TRAPPC9: variants seen among roughly 807,000 people sequenced by gnomAD.
TRAPPC9 encodes trafficking protein particle complex subunit 9.
TRAPPC9 carries 83 observed loss-of-function variants against 124.0 expected under a neutral mutation model. That is an observed-to-expected ratio of 0.67 (90% confidence interval 0.56 to 0.80). TRAPPC9 has a LOEUF of 0.80. TRAPPC9 is among the 30% of genes least tolerant of loss of function. The pLI is 0.00. For synonymous variants in TRAPPC9, 638 were observed against 617.5 expected, an observed-to-expected ratio of 1.03 and a Z score of -0.49; for missense variants, 1,302 against 1,508.3, an observed-to-expected ratio of 0.86 and a Z score of 2.27.
At chr8:140,113,223 AG>A (rs912113948) in intron 17 of TRAPPC9, among the ~76,000 whole-genome samples, 1 of 152,218 alleles carries the variant, frequency 6.6e-6, no homozygotes, top group African/African-American at 2.4e-5. Context: ...CCCTGGACAG[AG>A]GGTGCTTCAT....
intron 8 of TRAPPC9, among the ~76,000 whole-genome samples, chr8:140,366,051 G>A (rs890249743): frequency 1.3e-5 from 2 of 152,082 alleles, no homozygotes; most frequent in Non-Finnish European, 2.9e-5. Context: ...CAGTAGTTTG[G>A]TATGAATAAT....
chr8:139,864,855 C>T (rs1025108609), intron 21 of TRAPPC9, among the ~76,000 whole-genome samples: 6 of 152,320 alleles, frequency 3.9e-5, no homozygotes, highest in East Asian at 3.9e-4. Context: ...TCACCTGCAC[C>T]GATGTGGACA....
chr8:139,972,230 C>T (rs1018305158), intron 19 of TRAPPC9, among the ~76,000 whole-genome samples: 6 of 152,270 alleles, frequency 3.9e-5, no homozygotes, highest in South Asian at 2.1e-4. Flanking sequence ...TTGAGCAAAA[C>T]GCATTTAAGG....
intron 21 of TRAPPC9, among the ~76,000 whole-genome samples, chr8:139,748,898 G>A (rs1244127541): frequency 6.6e-6 from 1 of 152,154 alleles, no homozygotes; most frequent in African/African-American, 2.4e-5. Flanking sequence ...TCTCCACCAG[G>A]ATTTCTAGAC....
At chr8:139,895,654 C>T (rs567874528) in intron 20 of TRAPPC9, among the ~76,000 whole-genome samples, 46 of 152,284 alleles carry the variant, frequency 3.0e-4, no homozygotes, top group African/African-American at 7.9e-4. Context: ...GGGCCTGGGA[C>T]GCTGGGACAC....
intron 20 of TRAPPC9, among the ~76,000 whole-genome samples, chr8:139,898,357 T>C (rs184599134): frequency 1.5e-4 from 23 of 152,340 alleles, no homozygotes; most frequent in Non-Finnish European, 3.2e-4. Context: ...AGGTTTACGG[T>C]CTCTGAGTCC....
At chr8:140,363,875 G>A (rs2068025993) in intron 8 of TRAPPC9, among the ~76,000 whole-genome samples, 3 of 152,168 alleles carry the variant, frequency 2.0e-5, no homozygotes, top group African/African-American at 4.8e-5. Context: ...TGGGATTACA[G>A]GCGTCAGCCA....
intron 20 of TRAPPC9, among the ~76,000 whole-genome samples, chr8:139,895,242 G>T (rs927054067): frequency 1.3e-5 from 2 of 152,234 alleles, no homozygotes; most frequent in African/African-American, 4.8e-5. Flanking sequence ...GGGGCACACA[G>T]GCATGCTCCC....
At chr8:140,242,136 C>CAGAGAGAG (rs36214777) in intron 16 of TRAPPC9, among the ~76,000 whole-genome samples, 1 of 146,170 alleles carries the variant, frequency 6.8e-6, no homozygotes, top group Non-Finnish European at 1.5e-5. Context: ...AAGAGGCAGA[C>CAGAGAGAG]AGAGAGAGAG....
At chr8:140,240,491 C>A (rs1216213248) in intron 16 of TRAPPC9, among the ~76,000 whole-genome samples, 1 of 152,198 alleles carries the variant, frequency 6.6e-6, no homozygotes, top group African/African-American at 2.4e-5. Flanking sequence ...GACCTTCCTG[C>A]CTCAACTTCG....
rs1200715857 is a variant in TRAPPC9, at chr8:139,735,656, CTGTTTTTTTTTTTTGTTTTGTTT to C, written c.3056-3477_3056-3455del. Among the ~76,000 whole-genome samples the C allele has an allele frequency of 5.1e-4, 73 of 142,876 alleles. No homozygotes were observed. The East Asian group carries it at 0.014, about 27-fold the overall frequency. 93.7% of individuals were successfully genotyped at this position (142,876 alleles called of 152,430 possible). ...GTAGTTGGCTCAGTACCACCCTGCC[CTGTTTTTTTTTTTTGTTTTGTTT>C]TGTTTTTTTGCAGAGAACTGTGTGG... On this transcript the variant is annotated intron_variant, in intron 21 of 22. Coordinates refer to ENST00000438773, the MANE Select transcript of TRAPPC9 (RefSeq NM_001160372.4).
chr8:140,436,917 A>G (rs541767742), intron 3 of TRAPPC9, among the ~76,000 whole-genome samples: 2 of 151,924 alleles, frequency 1.3e-5, no homozygotes, highest in East Asian at 3.9e-4. Context: ...CCCCACTTCT[A>G]TTTCCCTAGC....
Position 140,349,345 on chromosome 8 carries a change from G to GGGGCGCGCGAGGGAA in TRAPPC9, c.1495+10690_1495+10704dup, listed in dbSNP as rs201551589. Among the ~76,000 whole-genome samples the GGGGCGCGCGAGGGAA allele has an allele frequency of 2.2e-4, 26 of 117,766 alleles. No homozygotes were observed. The East Asian group carries it at 5.0e-3, about 22-fold the overall frequency. 77.3% of individuals were successfully genotyped at this position (117,766 alleles called of 152,430 possible). ...GAGAGGGCACACAAGGGGGCCGAAG[G>GGGGCGCGCGAGGGAA]GGGCGCGCGAGGGAAGGGCGCGCGA... On this transcript the variant is annotated intron_variant, in intron 9 of 22. Coordinates refer to ENST00000438773, the MANE Select transcript of TRAPPC9 (RefSeq NM_001160372.4).
intron 5 of TRAPPC9, 94 bp from the exon 6 acceptor site, chr8:140,405,792 T>C (rs1287425779): frequency 1.1e-5 from 15 of 1,409,164 alleles, no homozygotes; most frequent in Non-Finnish European, 1.5e-5. Context: ...AACTTAAATA[T>C]GCCCTACTGA....
At chr8:140,125,060 G>A (rs1014189590) in intron 17 of TRAPPC9, among the ~76,000 whole-genome samples, 62 of 152,218 alleles carry the variant, frequency 4.1e-4, no homozygotes, top group African/African-American at 1.4e-3. Flanking sequence ...ATTCTTCAAA[G>A]AGAGATGGCA....
chr8:140,133,412 C>T (rs2061240009), intron 17 of TRAPPC9, among the ~76,000 whole-genome samples: 1 of 152,132 alleles, frequency 6.6e-6, no homozygotes, highest in Non-Finnish European at 1.5e-5. Flanking sequence ...AAGGGAACTC[C>T]TCAACATGAT....
intron 17 of TRAPPC9, among the ~76,000 whole-genome samples, chr8:140,159,904 C>A (rs947405503): frequency 1.3e-5 from 2 of 152,194 alleles, no homozygotes; most frequent in African/African-American, 2.4e-5. Flanking sequence ...GAAGTTCCTG[C>A]CCTATTTAGG....
intron 9 of TRAPPC9, among the ~76,000 whole-genome samples, chr8:140,317,447 TAG>T (rs2066470444): frequency 6.6e-6 from 1 of 152,212 alleles, no homozygotes; most frequent in Non-Finnish European, 1.5e-5. Context: ...GCCCCAGGCC[TAG>T]AATTAAATCA....
At chr8:140,038,670 G>C (rs1841066026) in intron 17 of TRAPPC9, among the ~76,000 whole-genome samples, 1 of 152,216 alleles carries the variant, frequency 6.6e-6, no homozygotes, top group Non-Finnish European at 1.5e-5. Flanking sequence ...CCCAGTGTCA[G>C]GCATGACGGC....
Sources: gnomAD v4.1 joint callset for allele counts (sites outside exome capture counted in the v4.1 genomes callset) on GRCh38, gnomAD v4.1.1 for gene constraint, MANE v1.5 for transcripts, NCBI Gene and HGNC (gene_info 2026-07-23, HGNC 2026-07-21) for gene names.